AGBL1: variants seen among roughly 807,000 people sequenced by gnomAD.
AGBL1 encodes the protein AGBL carboxypeptidase 1.
AGBL1 carries 130 observed loss-of-function variants against 118.9 expected under a neutral mutation model. The observed-to-expected ratio is 1.09, with a 90% CI of 0.95 to 1.26. The LOEUF is 1.26. Among genes scored for constraint, AGBL1 ranks in the 50% most tolerant of loss-of-function variants. The pLI, the probability that AGBL1 is intolerant of heterozygous loss-of-function variation, is 0.00. For synonymous variants in AGBL1, 555 were observed against 478.9 expected, an observed-to-expected ratio of 1.16 and a Z score of -2.08; for missense variants, 1,584 against 1,298.1, an observed-to-expected ratio of 1.22 and a Z score of -3.38.
At chr15:86,411,436 A>G (rs761385576) in intron 18 of AGBL1, among the ~76,000 whole-genome samples, 3 of 152,136 alleles carry the variant, frequency 2.0e-5, no homozygotes, top group Non-Finnish European at 4.4e-5. Context: ...GGCAGTCTGG[A>G]GTTTCTAAGC....
intron 21 of AGBL1, among the ~76,000 whole-genome samples, chr15:86,652,999 A>G (rs1177844445): frequency 1.3e-5 from 2 of 152,228 alleles, no homozygotes; most frequent in Admixed American, 6.5e-5. Context: ...CCAAATGTCA[A>G]TAGTGCTGAT....
chr15:86,474,275 G>A (rs1874315201), intron 18 of AGBL1, among the ~76,000 whole-genome samples: 1 of 152,200 alleles, frequency 6.6e-6, no homozygotes, highest in Non-Finnish European at 1.5e-5. Context: ...AGAAGGGCAA[G>A]GCATTGCCTC....
intron 18 of AGBL1, among the ~76,000 whole-genome samples, chr15:86,446,663 T>C (rs2142062803): frequency 6.6e-6 from 1 of 152,306 alleles, no homozygotes; most frequent in African/African-American, 2.4e-5. Context: ...GGAGGATAGA[T>C]TTCGACTCCC....
chr15:86,257,152 A>G (rs1482389378), intron 8 of AGBL1, 134 bp downstream of exon 8: 9 of 1,026,234 alleles, frequency 8.8e-6, no homozygotes, highest in African/African-American at 1.6e-5. Flanking sequence ...AATTAGAGAC[A>G]TATATGAAAA....
intron 18 of AGBL1, among the ~76,000 whole-genome samples, chr15:86,472,720 A>C (rs577697154): frequency 6.6e-6 from 1 of 152,320 alleles, no homozygotes; most frequent in African/African-American, 2.4e-5. Context: ...GGAGTTCAAG[A>C]CCAGCCTGGC....
chr15:86,582,673 A>G (rs1300701693), intron 21 of AGBL1, among the ~76,000 whole-genome samples: 1 of 152,200 alleles, frequency 6.6e-6, no homozygotes, highest in African/African-American at 2.4e-5. Context: ...ATGGAATACT[A>G]TGCAGCCATG....
intron 18 of AGBL1, among the ~76,000 whole-genome samples, chr15:86,517,162 C>A (rs1204635171): frequency 1.3e-5 from 2 of 152,188 alleles, no homozygotes; most frequent in Non-Finnish European, 2.9e-5. Context: ...AGATGAGATG[C>A]TAAAAGTCCT....
At chr15:86,825,550 AT>A (rs1567193044) in intron 22 of AGBL1, among the ~76,000 whole-genome samples, 1 of 151,594 alleles carries the variant, frequency 6.6e-6, no homozygotes, top group Non-Finnish European at 1.5e-5. Flanking sequence ...AAAAAGAGAC[AT>A]TTTAGCAAAG....
intron 18 of AGBL1, among the ~76,000 whole-genome samples, chr15:86,410,805 TAG>T (rs200247050): frequency 6.9e-5 from 4 of 57,612 alleles, no homozygotes; most frequent in Non-Finnish European, 9.4e-5. Context: ...AGGTCAAATG[TAG>T]ATATATATAT....
rs187197850 is a variant in AGBL1, at chr15:86,549,133, G to A, written c.2817+3000G>A. On this transcript the variant is annotated intron_variant, in intron 20 of 22. Coordinates refer to ENST00000614907, the MANE Select transcript of AGBL1 (RefSeq NM_001386094.1). ...CCAGGCCCCACCTCTAACACTGGGA[G>A]TTACATTTCATCATGAGATTTTGGT... is the stretch of plus-strand genomic sequence containing the variant. Among the ~76,000 whole-genome samples the A allele has an allele frequency of 5.3e-4, 81 of 152,230 alleles. No individual in the cohort carries two copies. In the Middle Eastern group the frequency reaches 0.01, roughly 19 times the overall value.
chr15:86,206,058 T>C (rs2077987173), intron 5 of AGBL1, among the ~76,000 whole-genome samples: 1 of 152,196 alleles, frequency 6.6e-6, no homozygotes, highest in Admixed American at 6.5e-5. Flanking sequence ...TTCTGACATA[T>C]GAGTGAGAAC....
chr15:86,871,020 G>C (rs768149232), intron 22 of AGBL1, among the ~76,000 whole-genome samples: 3 of 152,160 alleles, frequency 2.0e-5, no homozygotes, highest in African/African-American at 7.2e-5. Context: ...ACTCTTATCT[G>C]TCGCTCACTA....
chr15:86,653,401 A>G (rs1196407013), intron 21 of AGBL1, among the ~76,000 whole-genome samples: 3 of 152,150 alleles, frequency 2.0e-5, no homozygotes, highest in Non-Finnish European at 4.4e-5. Flanking sequence ...TGCTCTTTGT[A>G]TTATTCTCAA....
chr15:86,755,731 A>T (rs555157720), intron 22 of AGBL1, among the ~76,000 whole-genome samples: 1 of 152,206 alleles, frequency 6.6e-6, no homozygotes, highest in African/African-American at 2.4e-5. Context: ...GTAGACAGTG[A>T]GTGCTTTCAT....
At chr15:86,587,157 G>C (rs1315220621) in intron 21 of AGBL1, among the ~76,000 whole-genome samples, 1 of 152,176 alleles carries the variant, frequency 6.6e-6, no homozygotes. Context: ...CTCCCACCAT[G>C]AGCTTATGAG....
At chr15:86,418,102 A>G (rs1035803872) in intron 18 of AGBL1, among the ~76,000 whole-genome samples, 4 of 152,082 alleles carry the variant, frequency 2.6e-5, no homozygotes, top group Non-Finnish European at 5.9e-5. Flanking sequence ...TCTGCTATCC[A>G]TTTCATTTGG....
intron 18 of AGBL1, among the ~76,000 whole-genome samples, chr15:86,510,957 A>G (rs1229907981): frequency 6.6e-6 from 1 of 152,114 alleles, no homozygotes; most frequent in African/African-American, 2.4e-5. Context: ...GAGACATAAT[A>G]TCAGCTTGGA....
chr15:86,776,447 T>C (rs2078256340), intron 22 of AGBL1, among the ~76,000 whole-genome samples: 1 of 152,094 alleles, frequency 6.6e-6, no homozygotes, highest in African/African-American at 2.4e-5. Flanking sequence ...TTGTGTTTCT[T>C]CCACTGTGAG....
chr15:86,996,058 C>T (rs1367888020), intron 24 of AGBL1, among the ~76,000 whole-genome samples: 3 of 152,178 alleles, frequency 2.0e-5, no homozygotes, highest in Non-Finnish European at 2.9e-5. Context: ...ATCAGCTTTG[C>T]ATTTTTTACA....
Sources: allele counts gnomAD v4.1 joint callset (sites outside exome capture counted in the v4.1 genomes callset), GRCh38; gene constraint gnomAD v4.1.1; transcripts MANE v1.5; gene names NCBI Gene and HGNC (gene_info 2026-07-23, HGNC 2026-07-21).